Variants in GABRR3 observed in about 807,000 individuals in gnomAD.
GABRR3 encodes gamma-aminobutyric acid type A receptor subunit rho3.
A neutral mutation model predicts 43.2 loss-of-function variants in GABRR3; 29 were observed. That is an observed-to-expected ratio of 0.67 (90% confidence interval 0.50 to 0.92). GABRR3 has a LOEUF of 0.92. GABRR3 is among the 40% of genes least tolerant of loss of function. The pLI is 0.00. For synonymous variants in GABRR3, 206 were observed against 195.9 expected (o/e 1.05, Z -0.43); for missense variants, 576 against 572.3 (o/e 1.01, Z -0.07).
At chr3:98,009,296 G>GC (rs1706759821) in intron 5 of GABRR3, among the ~76,000 whole-genome samples, 1 of 152,268 alleles carries the variant, frequency 6.6e-6, no homozygotes, top group African/African-American at 2.4e-5. Context: ...TTCCTGATCA[G>GC]CCCCCTCAGT....
chr3:98,035,031 C>CCAATACTGTGATCA, intron 1 of GABRR3, 42 bp from the exon 2 acceptor site: 2 of 1,586,144 alleles, frequency 1.3e-6, no homozygotes, highest in Non-Finnish European at 1.7e-6. Context: ...GTGAACGCAA[C>CCAATACTGTGATCA]CAATACTGTG....
chr3:97,987,504 A>G (rs1048597610), intron 9 of GABRR3, among the ~76,000 whole-genome samples: 2 of 152,234 alleles, frequency 1.3e-5, no homozygotes, highest in Admixed American at 6.5e-5. Flanking sequence ...GCTCTTGGAG[A>G]AAACAAAATC....
At chr3:98,012,622 AC>A in intron 4 of GABRR3, 55 bp from the exon 5 acceptor site, 1 of 1,184,262 alleles carries the variant, frequency 8.4e-7, no homozygotes, top group Non-Finnish European at 1.2e-6. Context: ...GTTCAGGATG[AC>A]CACTCAACAC....
intron 9 of GABRR3, among the ~76,000 whole-genome samples, chr3:97,987,995 A>C (rs984316152): frequency 6.6e-6 from 1 of 151,910 alleles, no homozygotes; most frequent in African/African-American, 2.4e-5. Flanking sequence ...GGGCTTGATC[A>C]GAAAGAAGAG....
At chr3:97,996,211 G>T in intron 8 of GABRR3, among the ~76,000 whole-genome samples, 1 of 152,248 alleles carries the variant, frequency 6.6e-6, no homozygotes, top group East Asian at 1.9e-4. Flanking sequence ...AAGGGAGGGG[G>T]TGTTTATATT....
intron 9 of GABRR3, among the ~76,000 whole-genome samples, chr3:97,992,262 G>T (rs1576035247): frequency 1.3e-5 from 2 of 152,130 alleles, no homozygotes; most frequent in African/African-American, 4.8e-5. Context: ...ATATATAAAT[G>T]CTGGCTCTCG....
chr3:97,993,042 G>A lies in GABRR3; in HGVS notation c.914C>T (p.Thr305Ile), dbSNP rs775984213. ...GATTGTGGACATGGTCAGCACTGTG[G>A]TGATTCCTGCCATTTGAGAATAGTG... Residue 305 changes from threonine (T) to isoleucine (I), a missense_variant, in exon 9 of 10, where the codon ACC becomes ATC. By Grantham distance (89) the Thr-to-Ile change is moderately conservative. Transcript: ENST00000621172. The A allele has an allele frequency of 6.3e-7, 1 of 1,594,420 alleles. No individual in the cohort carries two copies. The highest frequency in any genetic ancestry group is 8.6e-7 in the Non-Finnish European group (1 of 1,169,534).
chr3:98,013,475 C>T (rs1248981376), intron 4 of GABRR3, among the ~76,000 whole-genome samples: 3 of 152,170 alleles, frequency 2.0e-5, no homozygotes, highest in African/African-American at 7.2e-5. Flanking sequence ...TTACTTCCTA[C>T]TATTTTGCAA....
In GABRR3 at chr3:98,021,486, T is replaced by A. The variant is rs181249329; in HGVS notation, c.239-3764A>T. On this transcript the variant is annotated intron_variant, in intron 3 of 9. Transcript: ENST00000621172. ...ATGTAATCTGTAAAACAGAACTAAA[T>A]ATATGGTACCTACTTTTTGGGTTGC... Among the ~76,000 whole-genome samples, 368 of 152,276 alleles carry A rather than the reference T, an allele frequency of 2.4e-3. 1 individual carries two copies. The highest frequency in any genetic ancestry group is 8.1e-3 in the African/African-American group (335 of 41,554).
At chr3:98,007,735 T>C (rs773678904) in intron 7 of GABRR3, 29 bp downstream of exon 7, 1 of 1,611,812 alleles carries the variant, frequency 6.2e-7, no homozygotes, top group Non-Finnish European at 8.5e-7. Flanking sequence ...CAATAAATGC[T>C]GATGAATCAC....
chr3:98,026,151 C>T (rs904495670), intron 2 of GABRR3, among the ~76,000 whole-genome samples: 7 of 152,074 alleles, frequency 4.6e-5, no homozygotes, highest in African/African-American at 9.7e-5. Flanking sequence ...ACGAAAGGAC[C>T]GCAAGATTGT....
At chr3:97,997,378 T>C (rs549937180) in intron 8 of GABRR3, 46 of 152,266 alleles carry the variant, frequency 3.0e-4, no homozygotes, top group African/African-American at 1.1e-3. Flanking sequence ...AATCACAGTC[T>C]TGAAAGATCA....
At chr3:98,030,114 G>GAAA (rs35867090) in intron 2 of GABRR3, among the ~76,000 whole-genome samples, 1,622 of 139,926 alleles carry the variant, frequency 0.012, 24 homozygotes, top group African/African-American at 0.039. Context: ...GACTGTCTTG[G>GAAA]AAAAAAAAAA....
intron 2 of GABRR3, among the ~76,000 whole-genome samples, chr3:98,029,308 T>A (rs141808328): frequency 1.2e-3 from 185 of 152,270 alleles, no homozygotes; most frequent in Admixed American, 2.0e-3. Context: ...AACATATTTC[T>A]ATGCTCCCTC....
At chr3:98,003,870 A>T (rs1421124651) in intron 7 of GABRR3, among the ~76,000 whole-genome samples, 1 of 152,078 alleles carries the variant, frequency 6.6e-6, no homozygotes, top group Admixed American at 6.6e-5. Context: ...GAGCCTGCCC[A>T]TCTCTCTCTA....
At chr3:97,990,305 G>A (rs1706446747) in intron 9 of GABRR3, among the ~76,000 whole-genome samples, 5 of 152,108 alleles carry the variant, frequency 3.3e-5, no homozygotes, top group Admixed American at 1.3e-4. Context: ...CCTGGAACAC[G>A]AAGCTGGGAT....
rs762293496 is a variant in GABRR3 at position 98,009,041 on chromosome 3, A to G, written c.531-3T>C. 1.9e-6 allele frequency: 3 copies of G among 1,592,920 alleles called. No individual in the cohort carries two copies. The highest frequency in any genetic ancestry group is 1.7e-4 in the Middle Eastern group (1 of 6,026). ...AGCACATGGCCGAAACCGTTATCCT[A>G]TAAAAAGAATGAGAAAAAGAAAACT... On this transcript the variant is annotated splice_region_variant and splice_polypyrimidine_tract_variant and intron_variant, in intron 5 of 9. Coordinates refer to ENST00000621172, the Ensembl canonical transcript of GABRR3.
chr3:98,016,364 A>G (rs949725897), intron 4 of GABRR3, among the ~76,000 whole-genome samples: 2 of 151,086 alleles, frequency 1.3e-5, no homozygotes, highest in African/African-American at 2.4e-5. Context: ...AGAACCTAGT[A>G]CCTCCCCCAC....
chr3:98,027,141 T>TAA (rs921360907), intron 2 of GABRR3, among the ~76,000 whole-genome samples: 2 of 151,408 alleles, frequency 1.3e-5, no homozygotes, highest in African/African-American at 4.8e-5. Flanking sequence ...AACTATTTAT[T>TAA]AAAAAAAAAT....
Sources: allele counts gnomAD v4.1 joint callset (sites outside exome capture counted in the v4.1 genomes callset), GRCh38; gene constraint gnomAD v4.1.1; transcripts MANE v1.5; gene names NCBI Gene and HGNC (gene_info 2026-07-23, HGNC 2026-07-21).